Variants in JAKMIP3 observed in about 807,000 individuals in gnomAD.
JAKMIP3 encodes Janus kinase and microtubule interacting protein 3, also known as janus kinase and microtubule-interacting protein 3.
In JAKMIP3, 58 loss-of-function variants were observed where a neutral mutation model predicts 118.5. The ratio of observed to expected loss-of-function variants is 0.49; its 90% CI spans 0.40 to 0.61. The LOEUF (loss-of-function observed/expected upper bound fraction) is 0.61. Ranked by LOEUF, JAKMIP3 falls within the 20% of genes least tolerant of loss-of-function variation. JAKMIP3 has a pLI of 0.00. For missense variants in JAKMIP3, 950 were observed against 1,109.0 expected (o/e 0.86, Z 2.04); for synonymous variants, 486 against 451.2 (o/e 1.08, Z -0.98).
chr10:132,115,101 T>A (rs2047421842), intron 2 of JAKMIP3, among the ~76,000 whole-genome samples: 1 of 152,222 alleles, frequency 6.6e-6, no homozygotes, highest in South Asian at 2.1e-4. Flanking sequence ...CCATAGACAC[T>A]TCCCCAAGCT....
chr10:132,113,845 C>A lies in JAKMIP3; in HGVS notation c.136-3232C>A, dbSNP rs144344158. On this transcript the variant is annotated intron_variant, in intron 2 of 23. Transcript: ENST00000684848. The stretch of plus-strand genomic sequence containing the variant: ...CCATTCACGTAAAAAAGGCTTTACC[C>A]GCTGCACTGCAGTTTCACTTTTACA... Among the ~76,000 whole-genome samples, 80 of 152,310 alleles carry A rather than the reference C, an allele frequency of 5.3e-4. No individual in the cohort carries two copies. In the East Asian group the frequency reaches 0.015, roughly 28 times the overall value.
intron 2 of JAKMIP3, among the ~76,000 whole-genome samples, chr10:132,116,219 G>A (rs191570863): frequency 1.3e-5 from 2 of 152,346 alleles, no homozygotes; most frequent in African/African-American, 2.4e-5. Context: ...ACCTTTCAGC[G>A]CGTTACAGAT....
intron 1 of JAKMIP3, among the ~76,000 whole-genome samples, chr10:132,039,606 T>C (rs1040582163): frequency 6.6e-6 from 1 of 152,186 alleles, no homozygotes; most frequent in African/African-American, 2.4e-5. Flanking sequence ...GGTCTCTTAG[T>C]ACAGCAGCAC....
At chr10:132,145,730 C>CA (rs1245358308) in intron 13 of JAKMIP3, 150 bp downstream of exon 13, 4 of 677,978 alleles carry the variant, frequency 5.9e-6, no homozygotes, top group Non-Finnish European at 1.0e-5. Flanking sequence ...TCCTGCGGGA[C>CA]CCCATCAGGA....
At position 132,080,503 on chromosome 10, in the gene JAKMIP3, A is replaced by ATT. The variant is rs201838731; in HGVS notation, c.-138+14477_-138+14478dup. ...TATTTTCTTGCTGTCAAGTTATAGG[A>ATT]TTTTTTTTTTTTTTTTTTTTTTTTT... On this transcript the variant is annotated intron_variant, in intron 1 of 23. Transcript: ENST00000684848. 3.1e-3 allele frequency among the ~76,000 whole-genome samples: 191 copies of ATT among 61,568 alleles called. 34 individuals carry two copies. The highest frequency in any genetic ancestry group is 3.6e-3 in the Non-Finnish European group (123 of 34,154). The allele number at this position is 61,568 out of a possible 152,430, so 40.4% of individuals were successfully genotyped here. A position where few individuals can be genotyped will look rare whatever the true frequency, so the allele number is the denominator to read the frequency against.
intron 1 of JAKMIP3, among the ~76,000 whole-genome samples, chr10:132,104,039 A>G (rs1374682449): frequency 2.0e-5 from 3 of 152,178 alleles, no homozygotes; most frequent in Admixed American, 2.0e-4. Context: ...TCCTCCTGTC[A>G]TAGCGTGTGT....
chr10:132,041,930 C>G (rs1426671465), intron 1 of JAKMIP3, among the ~76,000 whole-genome samples: 1 of 151,130 alleles, frequency 6.6e-6, no homozygotes, highest in African/African-American at 2.4e-5. Context: ...ACAGTGGTGC[C>G]ATCTCGGGTC....
intron 10 of JAKMIP3, 27 bp downstream of exon 10, chr10:132,140,606 GGGCTT>G (rs2053300401): frequency 7.5e-7 from 1 of 1,340,988 alleles, no homozygotes; most frequent in South Asian, 1.4e-5. Context: ...GCCGGGTCCT[GGGCTT>G]GGAGGAGGTA....
chr10:132,159,920 TGG>T (rs558517110), intron 19 of JAKMIP3, among the ~76,000 whole-genome samples: 2 of 14,878 alleles, frequency 1.3e-4, no homozygotes, highest in African/African-American at 6.7e-4. Context: ...TGTGTGATGC[TGG>T]GGGGGGGTCT....
intron 1 of JAKMIP3, among the ~76,000 whole-genome samples, chr10:132,051,581 T>C (rs886298738): frequency 2.0e-5 from 3 of 152,124 alleles, no homozygotes; most frequent in African/African-American, 7.2e-5. Context: ...AGGTTGTTTG[T>C]CTTTTGACTT....
At chr10:132,073,871 C>G (rs9419342) in intron 1 of JAKMIP3, among the ~76,000 whole-genome samples, 10,001 of 152,132 alleles carry the variant, frequency 0.066, 527 homozygotes, top group East Asian at 0.31. Context: ...TTATTTCTTT[C>G]CTGTTGGGTA....
intron 1 of JAKMIP3, among the ~76,000 whole-genome samples, chr10:132,057,919 G>A (rs562312670): frequency 8.0e-4 from 122 of 152,346 alleles, no homozygotes; most frequent in Non-Finnish European, 1.1e-3. Flanking sequence ...ACACTGGTGC[G>A]TACGAAGTGG....
intron 2 of JAKMIP3, among the ~76,000 whole-genome samples, chr10:132,109,135 T>C (rs12252697): frequency 0.44 from 37,025 of 84,348 alleles, 6,763 homozygotes; most frequent in South Asian, 0.55. Flanking sequence ...CACACACACA[T>C]ATATATATAT....
At chr10:132,071,193 T>TGTG (rs2039785755) in intron 1 of JAKMIP3, among the ~76,000 whole-genome samples, 1 of 94,100 alleles carries the variant, frequency 1.1e-5, no homozygotes, top group African/African-American at 3.7e-5. Context: ...GTGTGTGTGT[T>TGTG]TTAATCCAGA....
intron 19 of JAKMIP3, among the ~76,000 whole-genome samples, chr10:132,159,207 ATGCTGTGGGGGCATCTCTCCCTGT>A (rs2057488329): frequency 2.1e-4 from 2 of 9,612 alleles, no homozygotes; most frequent in South Asian, 7.5e-3. Flanking sequence ...TCCCTGTGTG[ATGCTGTGGGGGCATCTCTCCCTGT>A]GTGATGCTGG....
At chr10:132,125,218 C>T (rs1397254035) in intron 3 of JAKMIP3, among the ~76,000 whole-genome samples, 1 of 152,222 alleles carries the variant, frequency 6.6e-6, no homozygotes, top group East Asian at 1.9e-4. Flanking sequence ...ACATTTAATT[C>T]TATAATTCGT....
rs961321051 is a variant in JAKMIP3, at chr10:132,183,974, C to G, written c.*2721C>G. 1 of 152,184 alleles carries G rather than the reference C, an allele frequency of 6.6e-6. No individual in the cohort carries two copies. Among genetic ancestry groups the G allele is most frequent in the Admixed American group, 6.5e-5 (1 of 15,282 alleles). 9.4% of individuals were successfully genotyped at this position (152,184 alleles called of 1,614,324 possible). A position where few individuals can be genotyped will look rare whatever the true frequency, so the allele number is the denominator to read the frequency against. ...TACTTGGGCTGTCTTACTGCTAGCT[C>G]TTCTAACAGGGGAAGTCTGTATGAA... On this transcript the variant is annotated 3_prime_UTR_variant, in exon 24 of 24. Transcript: ENST00000684848.
chr10:132,159,882 T>C (rs1278788476), intron 19 of JAKMIP3, among the ~76,000 whole-genome samples: 402 of 24,160 alleles, frequency 0.017, 27 homozygotes, highest in Middle Eastern at 0.036. Context: ...GGGGGTCTCT[T>C]CCTGTGTGAT....
chr10:132,158,113 A>G (rs1232010664), intron 19 of JAKMIP3, among the ~76,000 whole-genome samples: 1 of 74,408 alleles, frequency 1.3e-5, no homozygotes, highest in African/African-American at 1.1e-4. Flanking sequence ...CCCCGGCAGC[A>G]TCTGTCTACT....
Sources: gnomAD v4.1 joint callset for allele counts (sites outside exome capture counted in the v4.1 genomes callset) on GRCh38, gnomAD v4.1.1 for gene constraint, MANE v1.5 for transcripts, NCBI Gene and HGNC (gene_info 2026-07-23, HGNC 2026-07-21) for gene names.